The following TRIM29 variants were observed in gnomAD, a reference collection of about 807,000 sequenced individuals.
The protein encoded by TRIM29 is tripartite motif containing 29, also known as tripartite motif-containing protein 29.
In TRIM29, 52 loss-of-function variants were observed where a neutral mutation model predicts 57.3. The ratio of observed to expected loss-of-function variants is 0.91; its 90% CI spans 0.73 to 1.14. The LOEUF (loss-of-function observed/expected upper bound fraction) is 1.14. TRIM29 is among the 50% of genes most tolerant of loss of function. TRIM29 has a pLI of 0.00. For synonymous variants in TRIM29, 319 were observed against 316.9 expected (o/e 1.01, Z -0.07); for missense variants, 753 against 774.6 (o/e 0.97, Z 0.33).
Position 120,125,679 on chromosome 11 carries a change from G to A in TRIM29, c.1333+12C>T, listed in dbSNP as rs772520117. On this transcript the variant is annotated intron_variant, in intron 4 of 8. Transcript: ENST00000341846. ...CTATGGCCTTGGGGCCCAGCCACGA[G>A]AGGGGACCTACCGTTCTCCATGTGG... is the stretch of plus-strand genomic sequence containing the variant. The A allele has an allele frequency of 1.2e-5, 19 of 1,613,928 alleles. No individual in the cohort carries two copies. The South Asian group carries it at 1.9e-4, about 16-fold the overall frequency.
chr11:120,128,421 C>T lies in TRIM29; in HGVS notation c.879G>A (p.Gln293=). The T allele has an allele frequency of 6.2e-7, 1 of 1,612,416 alleles. No homozygotes were observed. Residue 293 remains glutamine, a synonymous_variant, in exon 2 of 9, where the codon CAG becomes CAA. Coordinates refer to ENST00000341846, the MANE Select transcript of TRIM29 (RefSeq NM_012101.4). ...TCACCTTGATGCGGTCCTTCTCCTT[C>T]TGCCACTTCTCAGCTTCATCCTCAA... The part of the protein sequence containing the change: ...IEIEDEAEKW[Q]KEKDRIKSFT...
intron 1 of TRIM29, 43 bp from the exon 2 acceptor site, chr11:120,128,538 A>T: frequency 6.3e-7 from 1 of 1,588,838 alleles, no homozygotes; most frequent in Non-Finnish European, 8.5e-7. Flanking sequence ...GGGGGAGGAG[A>T]TGGAAGAGAA....
chr11:120,115,473 G>T (rs1054408582), intron 7 of TRIM29, 59 bp from the exon 8 acceptor site: 16 of 1,450,464 alleles, frequency 1.1e-5, no homozygotes, highest in Non-Finnish European at 1.4e-5. Flanking sequence ...GGGTGCCCGG[G>T]CCCAGAGCAG....
intron 1 of TRIM29, among the ~76,000 whole-genome samples, chr11:120,130,084 G>A (rs1343312964): frequency 6.6e-6 from 1 of 152,038 alleles, no homozygotes. Context: ...GCAGAAACTC[G>A]ACCCTCACAC....
rs779892930 is a variant in TRIM29 at position 120,137,534 on chromosome 11, G to A, written c.498C>T (p.Ser166=). The A allele has an allele frequency of 3.7e-6, 6 of 1,607,312 alleles. No homozygotes were observed. Among genetic ancestry groups the A allele is most frequent in the Middle Eastern group, 1.7e-4 (1 of 6,032 alleles). The change falls in exon 1 of 9, where the codon TCC becomes TCT. Residue 166 remains serine (S), a synonymous_variant. Coordinates refer to ENST00000341846, the MANE Select transcript of TRIM29 (RefSeq NM_012101.4). This position sits in a 1 kb window ranked among gnomAD's most constrained non-coding sequence, Gnocchi z 6.2. ...AGTCGCACAGCACCTCCTCGGAGCCGGACTTGGACCGTGAAAAAAGGCCCG... is the reference window on the plus strand; with the variant it reads ...AGTCGCACAGCACCTCCTCGGAGCCAGACTTGGACCGTGAAAAAAGGCCCG... ...ADTGLFSRSK[S]GSEEVLCDSC...
intron 6 of TRIM29, among the ~76,000 whole-genome samples, chr11:120,119,481 C>A (rs576803815): frequency 4.6e-5 from 7 of 152,200 alleles, no homozygotes; most frequent in Non-Finnish European, 7.3e-5. Context: ...GCCAGGGTTC[C>A]GCGAGGCCAG....
chr11:120,117,157 G>A (rs912238981), intron 7 of TRIM29: 21 of 258,736 alleles, frequency 8.1e-5, no homozygotes, highest in African/African-American at 4.8e-4. Flanking sequence ...TCACACCTGA[G>A]AGCGGCCACC....
chr11:120,130,010 G>C (rs1863685649), intron 1 of TRIM29, among the ~76,000 whole-genome samples: 1 of 152,160 alleles, frequency 6.6e-6, no homozygotes, highest in Non-Finnish European at 1.5e-5. Flanking sequence ...CTGGAGAGAA[G>C]CCAGCAGCCA....
At chr11:120,126,089 C>T (rs1863583852) in intron 3 of TRIM29, 200 bp from the exon 4 acceptor site, 4 of 591,018 alleles carry the variant, frequency 6.8e-6, no homozygotes, top group South Asian at 2.2e-5. Flanking sequence ...ATGGCACTAG[C>T]GTTCAGATGT....
intron 4 of TRIM29, 133 bp from the exon 5 acceptor site, chr11:120,123,188 A>G (rs1418767784): frequency 7.8e-6 from 5 of 638,974 alleles, no homozygotes; most frequent in Non-Finnish European, 1.3e-5. Context: ...AGTTTCCCCA[A>G]CCTCTCAGAG....
chr11:120,123,459 T>C (rs1408152712), intron 4 of TRIM29: 1 of 458,886 alleles, frequency 2.2e-6, no homozygotes, highest in Non-Finnish European at 4.4e-6. Context: ...CAATGTCACA[T>C]GCCGATAAGG....
At position 120,126,649 on chromosome 11, in the gene TRIM29, C is replaced by T. The variant is rs192162661; in HGVS notation, c.1134+687G>A. On this transcript the variant is annotated intron_variant, in intron 3 of 8. Transcript: ENST00000341846. ...TCTGTCCTCCCTCTCAAATCCTAAC[C>T]GGCCTCCAAGACCCAGTTCAAACTC... Among the ~76,000 whole-genome samples the T allele has an allele frequency of 3.0e-4, 45 of 152,286 alleles. 1 individual carries two copies. The highest frequency in any genetic ancestry group is 1.1e-3 in the African/African-American group (44 of 41,554).
chr11:120,137,584 G>C lies in TRIM29; in HGVS notation c.448C>G (p.Arg150Gly), dbSNP rs138412992. 1.2e-6 allele frequency: 2 copies of C among 1,612,732 alleles called. No individual in the cohort carries two copies. The highest frequency in any genetic ancestry group is 1.7e-6 in the Non-Finnish European group (2 of 1,179,988). Reference sequence around the variant, plus strand: ...GTGTCGGCCCGGGGGTAGCTGTTCCGCCGGGTCTCCCCGGGCTCCATGATG... The same window carrying C: ...GTGTCGGCCCGGGGGTAGCTGTTCCCCCGGGTCTCCCCGGGCTCCATGATG... ...VSIMEPGETR[R>G]NSYPRADTGL... Residue 150 changes from arginine to glycine, a missense_variant, in exon 1 of 9, where the codon CGG becomes GGG. Coordinates refer to ENST00000341846, the MANE Select transcript of TRIM29 (RefSeq NM_012101.4). This position sits in a 1 kb window ranked among gnomAD's most constrained non-coding sequence, Gnocchi z 6.2.
intron 8 of TRIM29, 102 bp downstream of exon 8, chr11:120,115,236 G>C: frequency 8.7e-7 from 1 of 1,153,872 alleles, no homozygotes; most frequent in Non-Finnish European, 1.3e-6. Flanking sequence ...ATGGCCCAGA[G>C]AAGTCCTCCC....
At chr11:120,128,709 T>A (rs930911415) in intron 1 of TRIM29, 2 of 1,535,600 alleles carry the variant, frequency 1.3e-6, no homozygotes, top group African/African-American at 2.7e-5. Context: ...AATACCATCT[T>A]GCTGTATTCT....
At position 120,114,188 on chromosome 11, in the gene TRIM29, C is replaced by A. The variant is rs142540607; in HGVS notation, c.1704+1150G>T. Among the ~76,000 whole-genome samples, 726 of 152,240 alleles carry A rather than the reference C, an allele frequency of 4.8e-3. 5 individuals carry two copies. Among genetic ancestry groups the A allele is most frequent in the African/African-American group, 0.017 (690 of 41,532 alleles). On this transcript the variant is annotated intron_variant, in intron 8 of 8. Transcript: ENST00000341846. ...CACCAAAACCTTGCTCTGCCAGGGG[C>A]CTCAAAGTGCTGATGAGCCTTCTCT... is the stretch of plus-strand genomic sequence containing the variant.
chr11:120,112,317 C>G lies in TRIM29; in HGVS notation c.*97G>C. On this transcript the variant is annotated 3_prime_UTR_variant, in exon 9 of 9. Transcript: ENST00000341846. ...CAGAGGGCAGGTGCAGGACCAGGCT[C>G]CCTCCCACCCAGACAAGCACAGTAG... 3 of 1,479,526 alleles carry G rather than the reference C, an allele frequency of 2.0e-6. No individual in the cohort carries two copies. The highest frequency in any genetic ancestry group is 2.8e-6 in the Non-Finnish European group (3 of 1,069,944). 91.6% of individuals were successfully genotyped at this position (1,479,526 alleles called of 1,614,324 possible). A position where few individuals can be genotyped will look rare whatever the true frequency, so the allele number is the denominator to read the frequency against.
At position 120,137,649 on chromosome 11, in the gene TRIM29, C is replaced by A. The variant is rs748685851; in HGVS notation, c.383G>T (p.Arg128Leu). 2 of 1,613,672 alleles carry A rather than the reference C, an allele frequency of 1.2e-6. No individual in the cohort carries two copies. Among genetic ancestry groups the A allele is most frequent in the Non-Finnish European group, 1.7e-6 (2 of 1,180,020 alleles). Residue 128 changes from arginine to leucine, a missense_variant, in exon 1 of 9, where the codon CGC (arginine) becomes CTC (leucine). Arg to Leu is a moderately radical substitution (Grantham distance 102). Coordinates refer to ENST00000341846, the MANE Select transcript of TRIM29 (RefSeq NM_012101.4). This position sits in a 1 kb window ranked among gnomAD's most constrained non-coding sequence, Gnocchi z 6.2. Reference protein sequence around the residue: ...PVTFAEKGELRKSIFSESRKP... With the variant: ...PVTFAEKGELLKSIFSESRKP... ...CCGGGACTCCGAGAAAATGGACTTGCGCAGCTCGCCCTTTTCGGCAAAGGT... is the reference window on the plus strand; with the variant it reads ...CCGGGACTCCGAGAAAATGGACTTGAGCAGCTCGCCCTTTTCGGCAAAGGT...
At chr11:120,116,933 G>A (rs1863286479) in intron 7 of TRIM29, 1 of 387,528 alleles carries the variant, frequency 2.6e-6, no homozygotes, top group Admixed American at 2.9e-5. Context: ...GAGAGAAAAG[G>A]GGAGGGATGG....
Sources: allele counts gnomAD v4.1 joint callset (sites outside exome capture counted in the v4.1 genomes callset), GRCh38; gene constraint gnomAD v4.1.1; non-coding constraint Gnocchi (gnomAD v3.1); transcripts MANE v1.5; gene names NCBI Gene and HGNC (gene_info 2026-07-23, HGNC 2026-07-21).